Variants in ARHGAP26 observed in about 807,000 individuals in gnomAD.
The protein encoded by ARHGAP26 is Rho GTPase activating protein 26.
ARHGAP26 carries 38 observed loss-of-function variants against 104.8 expected under a neutral mutation model. The ratio of observed to expected loss-of-function variants is 0.36; its 90% CI spans 0.28 to 0.48. ARHGAP26 has a LOEUF of 0.48. Ranked by LOEUF, ARHGAP26 falls within the 20% of genes least tolerant of loss-of-function variation. The probability of loss-of-function intolerance (pLI) is 0.99; values close to 1 mark genes in which losing one functional copy is unlikely to be tolerated. For synonymous variants in ARHGAP26, 341 were observed against 340.0 expected (o/e 1.00, Z -0.03); for missense variants, 704 against 947.9 (o/e 0.74, Z 3.38).
At chr5:143,053,083 G>C (rs888061430) in intron 14 of ARHGAP26, among the ~76,000 whole-genome samples, 3 of 152,162 alleles carry the variant, frequency 2.0e-5, no homozygotes, top group Non-Finnish European at 2.9e-5. Flanking sequence ...TGCTTATCTT[G>C]TCTCTGGGTT....
chr5:142,918,493 A>T (rs1762800788), intron 10 of ARHGAP26, among the ~76,000 whole-genome samples: 1 of 152,208 alleles, frequency 6.6e-6, no homozygotes, highest in Admixed American at 6.5e-5. Context: ...TCTACTTTTA[A>T]TTCTTATATA....
intron 1 of ARHGAP26, among the ~76,000 whole-genome samples, chr5:142,800,627 G>T (rs1597676302): frequency 6.6e-6 from 1 of 152,296 alleles, no homozygotes; most frequent in East Asian, 1.9e-4. Flanking sequence ...CTCCCAAAGT[G>T]CTGGGATTAC....
At chr5:143,094,782 T>G (rs1792051823) in intron 17 of ARHGAP26, among the ~76,000 whole-genome samples, 3 of 150,116 alleles carry the variant, frequency 2.0e-5, no homozygotes, top group East Asian at 2.0e-4. Flanking sequence ...ATGGGGTGAG[T>G]GGTTTGGGGG....
At chr5:143,161,876 A>G (rs530526864) in intron 20 of ARHGAP26, among the ~76,000 whole-genome samples, 1 of 152,346 alleles carries the variant, frequency 6.6e-6, no homozygotes. Context: ...AGCCCTGTTC[A>G]GTCTATTTTG....
chr5:142,963,197 T>TATATAC, intron 11 of ARHGAP26, among the ~76,000 whole-genome samples: 1 of 103,572 alleles, frequency 9.7e-6, no homozygotes, highest in African/African-American at 5.4e-5. Flanking sequence ...TATATATATA[T>TATATAC]ATGTGTGTGT....
rs1481226386 is a variant in ARHGAP26 at position 143,041,902 on chromosome 5, A to T, written c.1285+12A>T. ...GAGTGTCCTGATGGGTGAGTGCCGC[A>T]GTGGCTCTGCTAGGCAGGTCCCTGG... On this transcript the variant is annotated intron_variant, in intron 14 of 22. Transcript: ENST00000645722. 1 of 1,576,038 alleles carries T rather than the reference A, an allele frequency of 6.3e-7. No individual in the cohort carries two copies. Among genetic ancestry groups the T allele is most frequent in the Non-Finnish European group, 8.6e-7 (1 of 1,160,152 alleles).
At chr5:143,050,194 T>G (rs919171791) in intron 14 of ARHGAP26, among the ~76,000 whole-genome samples, 6 of 152,238 alleles carry the variant, frequency 3.9e-5, no homozygotes, top group African/African-American at 1.4e-4. Flanking sequence ...CTAGTGGATA[T>G]CCTGGTGGCA....
chr5:142,927,192 C>T (rs1437567936), intron 10 of ARHGAP26, among the ~76,000 whole-genome samples: 1 of 152,098 alleles, frequency 6.6e-6, no homozygotes, highest in African/African-American at 2.4e-5. Flanking sequence ...CAGTAAAATG[C>T]ATGACTCCAA....
intron 14 of ARHGAP26, among the ~76,000 whole-genome samples, chr5:143,042,931 GT>G (rs1054508679): frequency 6.6e-6 from 1 of 151,670 alleles, no homozygotes; most frequent in African/African-American, 2.4e-5. Context: ...GAGTATCTGG[GT>G]TTTTTTTGGT....
At chr5:142,838,936 T>C (rs1303272245) in intron 1 of ARHGAP26, among the ~76,000 whole-genome samples, 3 of 152,232 alleles carry the variant, frequency 2.0e-5, no homozygotes, top group Non-Finnish European at 4.4e-5. Flanking sequence ...TATGCCATCA[T>C]GACTTATTTG....
chr5:143,036,529 C>A (rs1227551781), intron 12 of ARHGAP26, among the ~76,000 whole-genome samples: 1 of 152,148 alleles, frequency 6.6e-6, no homozygotes, highest in Non-Finnish European at 1.5e-5. Context: ...TCCTCTGAAT[C>A]ATTTTTCTTC....
In ARHGAP26 at chr5:142,888,781, G is replaced by T. The variant is rs79909520; in HGVS notation, c.486+3382G>T. Among the ~76,000 whole-genome samples, 1,178 of 152,318 alleles carry T rather than the reference G, an allele frequency of 7.7e-3. 13 individuals are homozygous for T. The highest frequency in any genetic ancestry group is 0.027 in the African/African-American group (1,122 of 41,568). ...TTGATTCAACAAATACTCACTGGAC[G>T]CTTCTGTAAAAGTCTGTCCAGGCAC... On this transcript the variant is annotated intron_variant, in intron 5 of 22. Coordinates refer to ENST00000645722, the MANE Select transcript of ARHGAP26 (RefSeq NM_001135608.3).
chr5:143,171,602 T>C (rs1319290635), intron 20 of ARHGAP26, among the ~76,000 whole-genome samples: 3 of 152,232 alleles, frequency 2.0e-5, no homozygotes, highest in Non-Finnish European at 4.4e-5. Context: ...ACTTTAAATA[T>C]GTTGCCAGAG....
chr5:143,130,100 C>G (rs1261343320), intron 18 of ARHGAP26, among the ~76,000 whole-genome samples: 1 of 152,086 alleles, frequency 6.6e-6, no homozygotes, highest in African/African-American at 2.4e-5. Context: ...GTGTTGCTGC[C>G]CACTGAATGA....
At chr5:142,999,975 G>A (rs932749480) in intron 11 of ARHGAP26, among the ~76,000 whole-genome samples, 10 of 151,998 alleles carry the variant, frequency 6.6e-5, no homozygotes, top group African/African-American at 1.2e-4. Context: ...AAGAAACGCC[G>A]GACAAAAGAT....
At chr5:143,031,767 C>A (rs1243887821) in intron 12 of ARHGAP26, among the ~76,000 whole-genome samples, 1 of 152,108 alleles carries the variant, frequency 6.6e-6, no homozygotes, top group Non-Finnish European at 1.5e-5. Flanking sequence ...CTTGCCCAGG[C>A]TGGAGTGCAG....
intron 11 of ARHGAP26, among the ~76,000 whole-genome samples, chr5:142,935,895 A>G (rs1050410808): frequency 6.6e-6 from 1 of 152,176 alleles, no homozygotes; most frequent in Non-Finnish European, 1.5e-5. Flanking sequence ...CGCTAACATC[A>G]TAATTAGGGT....
intron 20 of ARHGAP26, among the ~76,000 whole-genome samples, chr5:143,149,454 C>T (rs754101417): frequency 1.1e-4 from 16 of 152,126 alleles, no homozygotes; most frequent in Admixed American, 7.9e-4. Context: ...CAGGCAGGCT[C>T]GCAGCCACTT....
chr5:143,106,205 A>T (rs1167033338), intron 17 of ARHGAP26, among the ~76,000 whole-genome samples: 1 of 152,208 alleles, frequency 6.6e-6, no homozygotes, highest in African/African-American at 2.4e-5. Context: ...AATTTCTGGA[A>T]GATGGCCTTC....
Sources: gnomAD v4.1 joint callset for allele counts (sites outside exome capture counted in the v4.1 genomes callset) on GRCh38, gnomAD v4.1.1 for gene constraint, MANE v1.5 for transcripts, NCBI Gene and HGNC (gene_info 2026-07-23, HGNC 2026-07-21) for gene names.